Variants in CHODL observed in about 807,000 individuals in gnomAD.
CHODL encodes the protein chondrolectin.
CHODL carries 29 observed loss-of-function variants against 34.5 expected under a neutral mutation model. That is an observed-to-expected ratio of 0.84 (90% CI 0.63 to 1.15). CHODL has a LOEUF of 1.15. CHODL is among the 50% of genes most tolerant of loss of function. The pLI is 0.00. For synonymous variants in CHODL, 125 were observed against 116.1 expected, an observed-to-expected ratio of 1.08 and a Z score of -0.49; for missense variants, 332 against 332.5, an observed-to-expected ratio of 1.00 and a Z score of 0.01.
intron 1 of CHODL, among the ~76,000 whole-genome samples, chr21:17,937,426 C>T (rs1186486820): frequency 6.6e-5 from 10 of 152,200 alleles, no homozygotes; most frequent in Admixed American, 3.9e-4. Flanking sequence ...GTCCTGGGAA[C>T]AGGCAGATCA....
chr21:17,933,677 T>G (rs886116893), intron 1 of CHODL, among the ~76,000 whole-genome samples: 1 of 148,118 alleles, frequency 6.8e-6, no homozygotes. Flanking sequence ...CTCTCTTTCT[T>G]TTCCCCACAA....
chr21:18,041,522 G>A (rs759372087), intron 2 of CHODL, among the ~76,000 whole-genome samples: 6 of 151,580 alleles, frequency 4.0e-5, no homozygotes, highest in Non-Finnish European at 2.9e-5. Flanking sequence ...ATATAAAATT[G>A]GGTTACAGAT....
At chr21:18,224,175 G>A (rs2073909696) in intron 2 of CHODL, among the ~76,000 whole-genome samples, 1 of 152,076 alleles carries the variant, frequency 6.6e-6, no homozygotes, top group South Asian at 2.1e-4. Flanking sequence ...ATTGACTGAG[G>A]TCTCTCATAT....
At chr21:18,196,899 A>G (rs2073594540) in intron 2 of CHODL, among the ~76,000 whole-genome samples, 1 of 152,134 alleles carries the variant, frequency 6.6e-6, no homozygotes, top group South Asian at 2.1e-4. Context: ...GACCTAATGT[A>G]CAGCATAGTG....
chr21:18,149,431 A>G (rs142154289), intron 2 of CHODL, among the ~76,000 whole-genome samples: 1 of 152,292 alleles, frequency 6.6e-6, no homozygotes, highest in East Asian at 1.9e-4. Flanking sequence ...CGTATCTATC[A>G]AATATTTACA....
chr21:18,146,134 A>ATTTTT (rs574946951), intron 2 of CHODL, among the ~76,000 whole-genome samples: 356 of 139,540 alleles, frequency 2.6e-3, no homozygotes, highest in African/African-American at 5.7e-3. Context: ...CGCCCGGTTA[A>ATTTTT]TTTTTTTTTT....
rs1472883684 is a variant in CHODL at position 18,245,290 on chromosome 21, C to T, written c.67C>T (p.Arg23Cys). 3.3e-6 allele frequency: 5 copies of T among 1,524,692 alleles called. No individual in the cohort carries two copies. The South Asian group carries it at 6.0e-5, about 18-fold the overall frequency. The allele number at this position is 1,524,692 out of a possible 1,614,324, so 94.4% of individuals were successfully genotyped here. The change falls in exon 1 of 6, where the codon CGC becomes TGC. Residue 23 changes from arginine to cysteine, a missense_variant. Arg to Cys is a radical substitution (Grantham distance 180, BLOSUM62 -3). Transcript: ENST00000299295. ...CTGCGGCCACGGAGCCTTCTGCCGC[C>T]GCGTGGTCAGCGGTGAGTCAGGGGC... Reference protein sequence around the residue: ...LLCGHGAFCRRVVSGQKVCFA... With the variant: ...LLCGHGAFCRCVVSGQKVCFA...
chr21:18,225,725 C>T (rs536158009), intron 2 of CHODL, among the ~76,000 whole-genome samples: 1 of 151,828 alleles, frequency 6.6e-6, no homozygotes, highest in Admixed American at 6.6e-5. Context: ...TAAAAGAAAA[C>T]ATAAGAGAGT....
At chr21:18,137,094 T>C (rs2072742832) in intron 2 of CHODL, among the ~76,000 whole-genome samples, 1 of 152,128 alleles carries the variant, frequency 6.6e-6, no homozygotes, top group Admixed American at 6.6e-5. Context: ...CTTCCTCTTC[T>C]ATCCACTTAA....
chr21:18,182,767 A>G (rs2073396344), intron 2 of CHODL, among the ~76,000 whole-genome samples: 1 of 152,184 alleles, frequency 6.6e-6, no homozygotes, highest in Non-Finnish European at 1.5e-5. Flanking sequence ...TCCTAGAACT[A>G]CTTTATTCTT....
At chr21:18,260,377 C>A in intron 4 of CHODL, 91 bp downstream of exon 4, 1 of 789,352 alleles carries the variant, frequency 1.3e-6, no homozygotes, top group Non-Finnish European at 2.0e-6. Context: ...CTTGTCTTGC[C>A]TGGGGAAGTG....
chr21:18,246,033 C>T (rs531919580), intron 1 of CHODL: 6 of 1,107,306 alleles, frequency 5.4e-6, no homozygotes, highest in African/African-American at 1.6e-5. Context: ...GGCAAGCTTC[C>T]CAGGTTGTCT....
chr21:17,938,630 C>CA (rs2063338411), intron 1 of CHODL, among the ~76,000 whole-genome samples: 1 of 151,922 alleles, frequency 6.6e-6, no homozygotes. Context: ...AGGCGCCCGC[C>CA]ACCGCGCCTG....
At chr21:18,148,147 G>C (rs1371641873) in intron 2 of CHODL, among the ~76,000 whole-genome samples, 2 of 152,132 alleles carry the variant, frequency 1.3e-5, no homozygotes, top group East Asian at 3.8e-4. Context: ...AACTCGTCAT[G>C]ACATCTCCCA....
chr21:18,162,119 C>T (rs931561063), intron 2 of CHODL, among the ~76,000 whole-genome samples: 2 of 152,166 alleles, frequency 1.3e-5, no homozygotes, highest in African/African-American at 4.8e-5. Flanking sequence ...TAGTCACTAT[C>T]CTGACCTCTA....
intron 1 of CHODL, among the ~76,000 whole-genome samples, chr21:17,937,081 CAAA>C (rs71189570): frequency 3.2e-5 from 3 of 94,692 alleles, no homozygotes; most frequent in African/African-American, 1.2e-4. Context: ...GACTCCATCT[CAAA>C]AAAAAAAAAA....
intron 1 of CHODL, among the ~76,000 whole-genome samples, chr21:17,973,691 A>G (rs1568824615): frequency 6.6e-6 from 1 of 150,924 alleles, no homozygotes; most frequent in African/African-American, 2.4e-5. Flanking sequence ...GCGTGCTGGG[A>G]TCATAGGCGT....
chr21:18,064,211 A>C (rs542435061), intron 2 of CHODL, among the ~76,000 whole-genome samples: 1 of 141,830 alleles, frequency 7.1e-6, no homozygotes. Flanking sequence ...AGCCATTTCA[A>C]TTGTGTCATA....
chr21:18,009,897 A>AAAAAAAAAG (rs1337340573), intron 1 of CHODL, among the ~76,000 whole-genome samples: 1 of 149,846 alleles, frequency 6.7e-6, no homozygotes, highest in African/African-American at 2.5e-5. Flanking sequence ...CAAAAAAAAA[A>AAAAAAAAAG]AAATAACATT....
Sources: gnomAD v4.1 joint callset for allele counts (sites outside exome capture counted in the v4.1 genomes callset) on GRCh38, gnomAD v4.1.1 for gene constraint, MANE v1.5 for transcripts, NCBI Gene and HGNC (gene_info 2026-07-23, HGNC 2026-07-21) for gene names.